RSBN1L: variants seen among roughly 807,000 people sequenced by gnomAD.
RSBN1L encodes the protein lysine-specific demethylase RSBN1L.
In RSBN1L, 30 loss-of-function variants were observed where a neutral mutation model predicts 67.7. The ratio of observed to expected loss-of-function variants is 0.44; its 90% CI spans 0.33 to 0.60. The LOEUF (loss-of-function observed/expected upper bound fraction) is 0.60, where lower values mean the gene tolerates loss of function less well. Ranked by LOEUF, RSBN1L falls within the 20% of genes least tolerant of loss-of-function variation. The pLI is 0.02. For synonymous variants in RSBN1L, 433 were observed against 387.0 expected, an observed-to-expected ratio of 1.12 and a Z score of -1.39; for missense variants, 992 against 1,031.7, an observed-to-expected ratio of 0.96 and a Z score of 0.53.
chr7:77,768,097 C>T (rs144624951), intron 4 of RSBN1L, among the ~76,000 whole-genome samples: 1,757 of 150,980 alleles, frequency 0.012, 15 homozygotes, highest in Non-Finnish European at 0.017. Context: ...CCTTGTGATC[C>T]GCCCGCCTCG....
chr7:77,733,951 A>AC (rs1791300669), intron 1 of RSBN1L, among the ~76,000 whole-genome samples: 1 of 152,102 alleles, frequency 6.6e-6, no homozygotes, highest in South Asian at 2.1e-4. Flanking sequence ...ACATGGCGAA[A>AC]CCCCATCTCC....
At chr7:77,735,469 T>C (rs1317981099) in intron 1 of RSBN1L, among the ~76,000 whole-genome samples, 1 of 152,160 alleles carries the variant, frequency 6.6e-6, no homozygotes, top group Admixed American at 6.5e-5. Flanking sequence ...ATCTGGACAG[T>C]GCTTATATAG....
At chr7:77,768,900 T>G in intron 5 of RSBN1L, 97 bp downstream of exon 5, 2 of 995,566 alleles carry the variant, frequency 2.0e-6, no homozygotes, top group East Asian at 2.4e-5. Flanking sequence ...ATGCAAAGTT[T>G]AGAGCATAAT....
At chr7:77,742,180 A>AAAACACAC (rs1554340015) in intron 2 of RSBN1L, among the ~76,000 whole-genome samples, 4 of 82,176 alleles carry the variant, frequency 4.9e-5, no homozygotes, top group Non-Finnish European at 6.8e-5. Context: ...AAAAAAAAAA[A>AAAACACAC]ATACACACAC....
chr7:77,758,478 C>T (rs1418402147), intron 3 of RSBN1L, among the ~76,000 whole-genome samples: 1 of 152,150 alleles, frequency 6.6e-6, no homozygotes, highest in Non-Finnish European at 1.5e-5. Flanking sequence ...AGCATTTATC[C>T]TTTGAGTTAC....
rs1584296449 is a variant in RSBN1L, at chr7:77,753,070, T to G, written c.1344+3006T>G. Among the ~76,000 whole-genome samples the G allele has an allele frequency of 4.6e-5, 7 of 152,314 alleles. 1 individual carries two copies. In the South Asian group the frequency reaches 1.4e-3, roughly 32 times the overall value. ...GTTACCATATGGATGGACATTTGAGTTGTTTCCAGTTTGAGGCTGGTAGAA... is the reference window on the plus strand; with the variant it reads ...GTTACCATATGGATGGACATTTGAGGTGTTTCCAGTTTGAGGCTGGTAGAA... On this transcript the variant is annotated intron_variant, in intron 3 of 7. Coordinates refer to ENST00000334955, the MANE Select transcript of RSBN1L (RefSeq NM_198467.3).
At chr7:77,702,845 G>C (rs946813164) in intron 1 of RSBN1L, among the ~76,000 whole-genome samples, 4 of 152,068 alleles carry the variant, frequency 2.6e-5, no homozygotes, top group African/African-American at 7.2e-5. Context: ...TCCTATAATG[G>C]AAAGAAAAAT....
chr7:77,709,749 T>G (rs768341549), intron 1 of RSBN1L, among the ~76,000 whole-genome samples: 7 of 152,224 alleles, frequency 4.6e-5, no homozygotes, highest in Non-Finnish European at 7.3e-5. Flanking sequence ...GGGCCCTTTG[T>G]ACTCTTCTTT....
chr7:77,745,087 C>A (rs1366875445), intron 2 of RSBN1L, among the ~76,000 whole-genome samples: 1 of 152,006 alleles, frequency 6.6e-6, no homozygotes. Context: ...CATGGTGAAA[C>A]CCTGTCTCTA....
intron 1 of RSBN1L, among the ~76,000 whole-genome samples, chr7:77,723,083 C>G (rs539112223): frequency 1.1e-4 from 17 of 151,250 alleles, no homozygotes; most frequent in African/African-American, 3.9e-4. Flanking sequence ...TCTTGTGTCT[C>G]AGCCTTCCGA....
chr7:77,745,900 C>T (rs1216377652), intron 2 of RSBN1L, among the ~76,000 whole-genome samples: 1 of 152,144 alleles, frequency 6.6e-6, no homozygotes, highest in Non-Finnish European at 1.5e-5. Context: ...GAGCAGGCAA[C>T]CTAGATTCCT....
Position 77,782,332 on chromosome 7 carries a change from A to G in RSBN1L, c.*3164A>G, listed in dbSNP as rs1041622315. ...TATATAGAATAAAGAATTGTTATGT[A>G]AATTATTAAATGAGTATACAGACCT... is the stretch of plus-strand genomic sequence containing the variant. On this transcript the variant is annotated 3_prime_UTR_variant, in exon 8 of 8. Transcript: ENST00000334955. The G allele has an allele frequency of 6.6e-6, 1 of 152,176 alleles. No individual in the cohort carries two copies. The highest frequency in any genetic ancestry group is 1.5e-5 in the Non-Finnish European group (1 of 68,034). 9.4% of individuals were successfully genotyped at this position (152,176 alleles called of 1,614,324 possible).
intron 2 of RSBN1L, among the ~76,000 whole-genome samples, chr7:77,740,760 T>A (rs1032627508): frequency 2.0e-5 from 3 of 152,126 alleles, no homozygotes; most frequent in Admixed American, 2.0e-4. Context: ...ACACATGCTG[T>A]CTTTGTTTCT....
chr7:77,751,729 T>G (rs894095355), intron 3 of RSBN1L, among the ~76,000 whole-genome samples: 4 of 152,218 alleles, frequency 2.6e-5, no homozygotes, highest in African/African-American at 9.6e-5. Context: ...TAATCCTCAT[T>G]ATAATCTTAC....
chr7:77,739,150 G>A (rs927200440), intron 2 of RSBN1L, among the ~76,000 whole-genome samples: 1 of 152,184 alleles, frequency 6.6e-6, no homozygotes, highest in African/African-American at 2.4e-5. Flanking sequence ...TGTGGTGGTG[G>A]TAGGGAAAGG....
chr7:77,738,979 T>C (rs1425604037), intron 2 of RSBN1L, among the ~76,000 whole-genome samples: 1 of 151,920 alleles, frequency 6.6e-6, no homozygotes, highest in African/African-American at 2.4e-5. Flanking sequence ...AACCAAACTA[T>C]CTCCTCTCCT....
At chr7:77,708,815 A>G (rs1790929572) in intron 1 of RSBN1L, among the ~76,000 whole-genome samples, 2 of 152,220 alleles carry the variant, frequency 1.3e-5, no homozygotes, top group South Asian at 4.1e-4. Flanking sequence ...AATTGGAGAC[A>G]GATATTGAAG....
At position 77,749,815 on chromosome 7, in the gene RSBN1L, C is replaced by T. The variant is rs750663394; in HGVS notation, c.1095C>T (p.Tyr365=). 4.3e-6 allele frequency: 7 copies of T among 1,614,180 alleles called. No homozygotes were observed. Among genetic ancestry groups the T allele is most frequent in the South Asian group, 2.2e-5 (2 of 91,076 alleles). ...GAGGTGCATCGGTTATCCATGCCTACAGTAACGAACTCTCCCACCTGTCTC... is the reference window on the plus strand; with the variant it reads ...GAGGTGCATCGGTTATCCATGCCTATAGTAACGAACTCTCCCACCTGTCTC... The part of the protein sequence containing the change: ...PNGGASVIHA[Y]SNELSHLSPM... Residue 365 remains tyrosine (Y), a synonymous_variant, in exon 3 of 8, where the codon TAC becomes TAT. Coordinates refer to ENST00000334955, the MANE Select transcript of RSBN1L (RefSeq NM_198467.3).
At chr7:77,769,792 A>G (rs1161289112) in intron 5 of RSBN1L, among the ~76,000 whole-genome samples, 1 of 152,238 alleles carries the variant, frequency 6.6e-6, no homozygotes. Context: ...TATATTGGCA[A>G]AAATTATGAA....
Sources: allele counts gnomAD v4.1 joint callset (sites outside exome capture counted in the v4.1 genomes callset), GRCh38; gene constraint gnomAD v4.1.1; transcripts MANE v1.5; gene names NCBI Gene and HGNC (gene_info 2026-07-23, HGNC 2026-07-21).